BANK1: variants seen among roughly 807,000 people sequenced by gnomAD.
The protein encoded by BANK1 is B cell scaffold protein with ankyrin repeats 1.
BANK1 carries 95 observed loss-of-function variants against 94.5 expected under a neutral mutation model. That is an observed-to-expected ratio of 1.00 (90% confidence interval 0.85 to 1.19). The LOEUF (loss-of-function observed/expected upper bound fraction) is 1.19. BANK1 is among the 50% of genes most tolerant of loss of function. BANK1 has a pLI of 0.00. For missense variants in BANK1, 987 were observed against 932.2 expected (o/e 1.06, Z -0.77); for synonymous variants, 334 against 308.4 (o/e 1.08, Z -0.87).
chr4:101,804,493 A>G (rs1725486908), intron 1 of BANK1, among the ~76,000 whole-genome samples: 1 of 152,168 alleles, frequency 6.6e-6, no homozygotes, highest in African/African-American at 2.4e-5. Flanking sequence ...AAGTACCACT[A>G]GTGATGCTGG....
intron 15 of BANK1, 118 bp from the exon 16 acceptor site, chr4:102,073,566 G>A (rs1368484596): frequency 2.7e-5 from 22 of 824,932 alleles, no homozygotes; most frequent in Non-Finnish European, 1.3e-5. Context: ...AGTTTTCTCT[G>A]CAAAGCTGTT....
intron 7 of BANK1, among the ~76,000 whole-genome samples, chr4:101,931,176 C>G (rs1723327282): frequency 6.6e-6 from 1 of 151,468 alleles, no homozygotes; most frequent in East Asian, 2.0e-4. Flanking sequence ...TTTTAGGTAC[C>G]TACTTTCCTG....
chr4:101,882,285 A>T (rs1469923462), intron 5 of BANK1, among the ~76,000 whole-genome samples: 1 of 152,190 alleles, frequency 6.6e-6, no homozygotes, highest in Admixed American at 6.5e-5. Context: ...CTGCCCTCTT[A>T]AAATACTTTG....
At chr4:101,948,499 G>T (rs1724016746) in intron 7 of BANK1, among the ~76,000 whole-genome samples, 1 of 152,094 alleles carries the variant, frequency 6.6e-6, no homozygotes. Context: ...AAAGAAGGGA[G>T]TTATTTATTG....
chr4:101,844,627 C>T (rs1727178374), intron 2 of BANK1, among the ~76,000 whole-genome samples: 1 of 152,190 alleles, frequency 6.6e-6, no homozygotes, highest in Non-Finnish European at 1.5e-5. Flanking sequence ...TTAAGTGAAG[C>T]TTTGTGACTT....
intron 1 of BANK1, among the ~76,000 whole-genome samples, chr4:101,792,303 G>A (rs1725017686): frequency 8.3e-6 from 1 of 120,032 alleles, no homozygotes; most frequent in African/African-American, 3.2e-5. Context: ...TCTCCATGCA[G>A]TATTTATCAC....
chr4:101,851,309 T>C (rs1023271892), intron 2 of BANK1, among the ~76,000 whole-genome samples: 1 of 152,174 alleles, frequency 6.6e-6, no homozygotes, highest in Admixed American at 6.5e-5. Flanking sequence ...GAGCAAGGCA[T>C]GTGGTAGATA....
chr4:101,820,266 C>T (rs1726088609), intron 1 of BANK1, among the ~76,000 whole-genome samples: 1 of 152,168 alleles, frequency 6.6e-6, no homozygotes, highest in African/African-American at 2.4e-5. Flanking sequence ...TTTCCAAACT[C>T]ATGCTGATAC....
At chr4:102,003,569 G>C (rs1260000953) in intron 7 of BANK1, among the ~76,000 whole-genome samples, 2 of 152,086 alleles carry the variant, frequency 1.3e-5, no homozygotes, top group Non-Finnish European at 2.9e-5. Context: ...GAGAGAGGGA[G>C]ACCAGGCAAA....
Position 101,829,743 on chromosome 4 carries a change from G to A in BANK1, c.71-65G>A. On this transcript the variant is annotated intron_variant, in intron 1 of 16. Transcript: ENST00000322953. ...GCCTAGTGAGCATATTAAAATTTTT[G>A]AGAAATAATAATTTAACCTGCTGAT... 5.3e-6 allele frequency: 6 copies of A among 1,139,158 alleles called. No individual in the cohort carries two copies. In the Admixed American group the frequency reaches 1.3e-4, roughly 24 times the overall value. The allele number at this position is 1,139,158 out of a possible 1,614,324, so 70.6% of individuals were successfully genotyped here. A position where few individuals can be genotyped will look rare whatever the true frequency, so the allele number is the denominator to read the frequency against.
At chr4:102,008,889 A>C (rs896203381) in intron 7 of BANK1, among the ~76,000 whole-genome samples, 1 of 152,220 alleles carries the variant, frequency 6.6e-6, no homozygotes, top group South Asian at 2.1e-4. Context: ...GTTTCTCAAA[A>C]AACACATAGC....
intron 11 of BANK1, among the ~76,000 whole-genome samples, chr4:102,052,113 C>A (rs147670048): frequency 9.6e-6 from 1 of 104,012 alleles, no homozygotes. Context: ...TTCTTTTTTT[C>A]TTTTTTTTTT....
At chr4:101,842,223 A>ACACT (rs964170186) in intron 2 of BANK1, among the ~76,000 whole-genome samples, 28 of 152,202 alleles carry the variant, frequency 1.8e-4, no homozygotes, top group African/African-American at 5.8e-4. Context: ...TTGCGTCAGA[A>ACACT]CACTGGCTTC....
intron 5 of BANK1, among the ~76,000 whole-genome samples, chr4:101,894,561 T>G (rs1454675439): frequency 1.3e-5 from 2 of 152,046 alleles, no homozygotes; most frequent in African/African-American, 4.8e-5. Context: ...AATTAGAAAC[T>G]TTTGTTCCAC....
At chr4:101,968,937 C>G (rs1212655834) in intron 7 of BANK1, among the ~76,000 whole-genome samples, 1 of 152,054 alleles carries the variant, frequency 6.6e-6, no homozygotes, top group Non-Finnish European at 1.5e-5. Flanking sequence ...GGTGGTAATA[C>G]AGTCTAGATG....
Position 101,866,660 on chromosome 4 carries a change from A to T in BANK1, c.764-3845A>T, listed in dbSNP as rs1323882460. Among the ~76,000 whole-genome samples the T allele has an allele frequency of 3.2e-4, 16 of 49,640 alleles. 4 individuals carry two copies. The highest frequency in any genetic ancestry group is 8.6e-4 in the African/African-American group (6 of 7,014). The allele number at this position is 49,640 out of a possible 152,430, so 32.6% of individuals were successfully genotyped here. ...TACCATTTGACCCAGCCATCCCATT[A>T]CTGGGTATATACCCAAAGGACTATA... On this transcript the variant is annotated intron_variant, in intron 4 of 16. Coordinates refer to ENST00000322953, the MANE Select transcript of BANK1 (RefSeq NM_017935.5).
chr4:101,910,024 C>G (rs1005563600), intron 6 of BANK1, among the ~76,000 whole-genome samples: 10 of 152,236 alleles, frequency 6.6e-5, no homozygotes, highest in African/African-American at 2.2e-4. Flanking sequence ...GAGGTTAACC[C>G]CAATTTTCTT....
chr4:101,942,521 T>C (rs1435903825), intron 7 of BANK1, among the ~76,000 whole-genome samples: 1 of 151,812 alleles, frequency 6.6e-6, no homozygotes, highest in Non-Finnish European at 1.5e-5. Context: ...TTATGGAAAA[T>C]AAATAAATGG....
In BANK1 at chr4:101,808,044, G is replaced by C. The variant is rs1342422906; in HGVS notation, c.70+17094G>C. On this transcript the variant is annotated intron_variant, in intron 1 of 16. Transcript: ENST00000322953. Reference sequence around the variant, plus strand: ...AGGTTGCAGTGAGTGGAGATCACACGCCACTGCACTCCAGCCGGGGTGACA... The same window carrying C: ...AGGTTGCAGTGAGTGGAGATCACACCCCACTGCACTCCAGCCGGGGTGACA... Among the ~76,000 whole-genome samples the C allele has an allele frequency of 5.4e-5, 8 of 148,886 alleles. No individual in the cohort carries two copies. In the South Asian group the frequency reaches 1.7e-3, roughly 32 times the overall value.
Sources: allele counts gnomAD v4.1 joint callset (sites outside exome capture counted in the v4.1 genomes callset), GRCh38; gene constraint gnomAD v4.1.1; transcripts MANE v1.5; gene names NCBI Gene and HGNC (gene_info 2026-07-23, HGNC 2026-07-21).